The following NUP188 variants were observed in gnomAD, a reference collection of about 807,000 sequenced individuals.
The protein encoded by NUP188 is nucleoporin 188, also known as nucleoporin NUP188.
Under a neutral mutation model 223.0 loss-of-function variants are expected in NUP188, and 97 were observed. The observed-to-expected ratio is 0.43, with a 90% confidence interval of 0.37 to 0.51. NUP188 has a LOEUF of 0.51. Among genes scored for constraint, NUP188 ranks in the 20% least tolerant of loss-of-function variants. The probability of loss-of-function intolerance (pLI) is 0.00; values close to 1 mark genes in which losing one functional copy is unlikely to be tolerated. For missense variants in NUP188, 1,947 were observed against 2,175.6 expected, an observed-to-expected ratio of 0.89 and a Z score of 2.09; for synonymous variants, 869 against 828.0, an observed-to-expected ratio of 1.05 and a Z score of -0.85.
At chr9:128,957,053 C>T (rs778918291) in intron 5 of NUP188, 21 bp downstream of exon 5, 1 of 1,522,806 alleles carries the variant, frequency 6.6e-7, no homozygotes, top group Non-Finnish European at 9.0e-7. Context: ...TATGTCAGCT[C>T]CTTTCTTCTG....
intron 2 of NUP188, among the ~76,000 whole-genome samples, chr9:128,952,191 G>A (rs1275087775): frequency 6.6e-6 from 1 of 152,150 alleles, no homozygotes; most frequent in East Asian, 1.9e-4. Flanking sequence ...GAGTTCAGGA[G>A]TTCAAGACCA....
intron 30 of NUP188, among the ~76,000 whole-genome samples, chr9:128,996,779 A>G (rs1478202808): frequency 2.0e-5 from 3 of 152,218 alleles, no homozygotes; most frequent in South Asian, 2.1e-4. Flanking sequence ...TCTTTCCCCA[A>G]AGGAAACCTA....
In NUP188 at chr9:128,976,543, C is replaced by T. The variant is rs550687508; in HGVS notation, c.1204-2719C>T. Among the ~76,000 whole-genome samples, 8 of 152,058 alleles carry T rather than the reference C, an allele frequency of 5.3e-5. No individual in the cohort carries two copies. The South Asian group carries it at 1.2e-3, about 24-fold the overall frequency. ...AAAATTAGCTGGACATGGTGGCAGG[C>T]GCCTGTAATCCCAGCTACTTGGGAG... On this transcript the variant is annotated intron_variant, in intron 12 of 43. Transcript: ENST00000372577.
At chr9:128,984,124 A>ATTTTTTCTTTTTTTTTT (rs1842296533) in intron 19 of NUP188, among the ~76,000 whole-genome samples, 1 of 93,070 alleles carries the variant, frequency 1.1e-5, no homozygotes, top group African/African-American at 5.9e-5. Context: ...GCCTGGCCTG[A>ATTTTTTCTTTTTTTTTT]TTTTTTTTTT....
intron 11 of NUP188, among the ~76,000 whole-genome samples, chr9:128,972,343 G>A (rs1842115591): frequency 6.6e-6 from 1 of 152,172 alleles, no homozygotes; most frequent in African/African-American, 2.4e-5. Context: ...ATCTAAAAAG[G>A]CTTCATAGTA....
Position 129,005,147 on chromosome 9 carries a change from G to A in NUP188, c.4435G>A (p.Val1479Ile). 1 of 1,613,694 alleles carries A rather than the reference G, an allele frequency of 6.2e-7. No individual in the cohort carries two copies. The highest frequency in any genetic ancestry group is 8.5e-7 in the Non-Finnish European group (1 of 1,179,616). The stretch of plus-strand genomic sequence containing the variant: ...CTCATCTCTCCTGTGTCTCTCCCAG[G>A]TCAACCTGGGTTACTTGTGCCAGGC... Reference protein sequence around the residue: ...HLPQLMRDIQVNLGYLCQACT... With the variant: ...HLPQLMRDIQINLGYLCQACT... The change falls in exon 39 of 44, where the codon GTC (valine) becomes ATC (isoleucine). Residue 1479 changes from valine to isoleucine, a missense_variant and splice_region_variant. Coordinates refer to ENST00000372577, the MANE Select transcript of NUP188 (RefSeq NM_015354.3).
intron 2 of NUP188, among the ~76,000 whole-genome samples, chr9:128,950,795 T>A (rs113556583): frequency 1.3e-5 from 2 of 152,088 alleles, no homozygotes; most frequent in Non-Finnish European, 2.9e-5. Context: ...CAGTGAACTC[T>A]AGCCTGGGAG....
At chr9:128,961,510 CAAAAAT>C (rs1406976836) in intron 8 of NUP188, among the ~76,000 whole-genome samples, 2 of 148,926 alleles carry the variant, frequency 1.3e-5, no homozygotes, top group Non-Finnish European at 3.0e-5. Context: ...ATCTCTGTCT[CAAAAAT>C]AAATAAATAA....
intron 12 of NUP188, among the ~76,000 whole-genome samples, chr9:128,973,874 AT>A (rs1453319437): frequency 6.6e-6 from 1 of 152,058 alleles, no homozygotes; most frequent in Non-Finnish European, 1.5e-5. Context: ...ACAACAATGG[AT>A]TTACTATTTT....
chr9:128,999,588 T>C, intron 33 of NUP188, 36 bp from the exon 34 acceptor site: 1 of 1,601,862 alleles, frequency 6.2e-7, no homozygotes, highest in East Asian at 2.2e-5. Flanking sequence ...GTTGGCCTGG[T>C]GAGCATGACA....
intron 2 of NUP188, among the ~76,000 whole-genome samples, chr9:128,950,864 ACTT>A (rs1197366822): frequency 1.3e-5 from 2 of 152,042 alleles, no homozygotes; most frequent in East Asian, 1.9e-4. Context: ...CGCATTCCCT[ACTT>A]CTTTGCTGAA....
chr9:128,948,000 C>T (rs1172822280), intron 1 of NUP188: 3 of 382,376 alleles, frequency 7.8e-6, no homozygotes, highest in African/African-American at 4.2e-5. Flanking sequence ...CATCTCCTCA[C>T]CCAGGGCCCT....
At position 128,999,153 on chromosome 9, in the gene NUP188, C is replaced by T. The variant is rs1451644559; in HGVS notation, c.3516-19C>T. On this transcript the variant is annotated intron_variant, in intron 32 of 43. Transcript: ENST00000372577. ...CAGGCATGAGCCACCACGCCTGGCC[C>T]ACCCAGTATTCTTTCTAGAGAGTTA... The T allele has an allele frequency of 1.2e-6, 2 of 1,612,026 alleles. No homozygotes were observed. Among genetic ancestry groups the T allele is most frequent in the Non-Finnish European group, 8.5e-7 (1 of 1,178,576 alleles).
chr9:128,982,634 C>G lies in NUP188; in HGVS notation c.1602C>G (p.Tyr534Ter), dbSNP rs753916988. 1 of 1,614,136 alleles carries G rather than the reference C, an allele frequency of 6.2e-7. No individual in the cohort carries two copies. The highest frequency in any genetic ancestry group is 8.5e-7 in the Non-Finnish European group (1 of 1,179,984). ...GGGCATACCTGGTACGCTGGGAATA[C>G]TCCTATAGCAGCTGGACCCTCTTTA... is the stretch of plus-strand genomic sequence containing the variant. ...DDRAYLVRWE[Y>*]SYSSWTLFTC... Residue 534 changes from tyrosine (Y) to a stop codon, truncating the protein, a stop_gained, in exon 16 of 44, where the codon TAC becomes TAG. Coordinates refer to ENST00000372577, the MANE Select transcript of NUP188 (RefSeq NM_015354.3). LOFTEE classifies it high-confidence loss of function.
At chr9:128,949,541 A>G (rs183277692) in intron 2 of NUP188, among the ~76,000 whole-genome samples, 5 of 152,078 alleles carry the variant, frequency 3.3e-5, no homozygotes, top group Admixed American at 2.6e-4. Flanking sequence ...CATTTTGGTC[A>G]GGCTGGTCTC....
At chr9:128,986,462 C>T in intron 20 of NUP188, 96 bp from the exon 21 acceptor site, 2 of 1,319,776 alleles carry the variant, frequency 1.5e-6, no homozygotes, top group South Asian at 1.5e-5. Context: ...CCTAGATTTC[C>T]TTTGGACCTA....
At chr9:129,003,551 G>A in intron 38 of NUP188, 97 bp downstream of exon 38, 4 of 1,394,462 alleles carry the variant, frequency 2.9e-6, no homozygotes, top group Non-Finnish European at 4.0e-6. Context: ...ATTGCAGGAT[G>A]TTCCTGAACG....
intron 8 of NUP188, among the ~76,000 whole-genome samples, chr9:128,966,638 A>G (rs1195071341): frequency 6.6e-6 from 1 of 152,132 alleles, no homozygotes; most frequent in African/African-American, 2.4e-5. Flanking sequence ...ATAGCAGACG[A>G]AACATCTTAT....
At chr9:128,982,822 G>C (rs903505167) in intron 16 of NUP188, 80 bp from the exon 17 acceptor site, 6 of 1,593,192 alleles carry the variant, frequency 3.8e-6, no homozygotes, top group Admixed American at 1.7e-5. Context: ...TGTCTGATTT[G>C]TGTATCTGGG....
Sources: gnomAD v4.1 joint callset for allele counts (sites outside exome capture counted in the v4.1 genomes callset) on GRCh38, gnomAD v4.1.1 for gene constraint, MANE v1.5 for transcripts, NCBI Gene and HGNC (gene_info 2026-07-23, HGNC 2026-07-21) for gene names.